The following CDH13 variants were observed in gnomAD, a reference collection of about 807,000 sequenced individuals.
The protein encoded by CDH13 is cadherin 13, also known as cadherin-13.
Under a neutral mutation model 63.8 loss-of-function variants are expected in CDH13, and 24 were observed. The ratio of observed to expected loss-of-function variants is 0.38; its 90% CI spans 0.27 to 0.53. The LOEUF (loss-of-function observed/expected upper bound fraction) is 0.53. Ranked by LOEUF, CDH13 falls within the 20% of genes least tolerant of loss-of-function variation. The pLI, the probability that CDH13 is intolerant of heterozygous loss-of-function variation, is 0.85. For synonymous variants in CDH13, 503 were observed against 355.3 expected (o/e 1.42, Z -4.67); for missense variants, 1,049 against 903.1 (o/e 1.16, Z -2.07).
rs11320143 is a variant in CDH13, at chr16:83,788,465, A to ATTTTT, written c.2134+5000_2134+5004dup. 5.9e-3 allele frequency among the ~76,000 whole-genome samples: 883 copies of ATTTTT among 150,048 alleles called. 10 individuals carry two copies. Among genetic ancestry groups the ATTTTT allele is most frequent in the African/African-American group, 0.021 (845 of 40,598 alleles). On this transcript the variant is annotated intron_variant, in intron 13 of 13. Transcript: ENST00000567109. ...TATATTAAGTATTAGTAAACATTGA[A>ATTTTT]TTTTTTTTTTTAGATTAAAAAAAAA... is the stretch of plus-strand genomic sequence containing the variant.
intron 3 of CDH13, among the ~76,000 whole-genome samples, chr16:83,124,481 T>G (rs536640402): frequency 6.6e-6 from 1 of 152,344 alleles, no homozygotes; most frequent in East Asian, 1.9e-4. Flanking sequence ...GATTGCTTAT[T>G]TTGCTGTGCA....
Position 82,716,626 on chromosome 16 carries a change from C to A in CDH13, c.45+89489C>A, listed in dbSNP as rs568039769. ...TTAATTATGTAAATAAGCAGACACC[C>A]AGCTGGCATGGAATTTCAACCATTT... On this transcript the variant is annotated intron_variant, in intron 1 of 13. Transcript: ENST00000567109. Among the ~76,000 whole-genome samples the A allele has an allele frequency of 4.7e-5, 7 of 149,026 alleles. 1 individual carries two copies. In the South Asian group the frequency reaches 1.5e-3, roughly 33 times the overall value.
At chr16:83,188,934 C>A (rs906038221) in intron 4 of CDH13, among the ~76,000 whole-genome samples, 2 of 152,008 alleles carry the variant, frequency 1.3e-5, no homozygotes, top group Admixed American at 6.6e-5. Context: ...GGAGTGAGAC[C>A]CTTCAGGAAG....
At chr16:82,928,373 A>G (rs996339189) in intron 2 of CDH13, among the ~76,000 whole-genome samples, 8 of 152,218 alleles carry the variant, frequency 5.3e-5, no homozygotes, top group African/African-American at 1.9e-4. Context: ...GTGGCATTGA[A>G]TTATAGAAAT....
intron 7 of CDH13, among the ~76,000 whole-genome samples, chr16:83,525,975 G>A (rs2074950458): frequency 6.6e-6 from 1 of 152,206 alleles, no homozygotes; most frequent in Non-Finnish European, 1.5e-5. Context: ...CTGGAAAGGA[G>A]TGCAGCCCTT....
chr16:83,737,119 C>A (rs750888182), intron 10 of CDH13, among the ~76,000 whole-genome samples: 12 of 152,182 alleles, frequency 7.9e-5, no homozygotes, highest in Non-Finnish European at 1.8e-4. Flanking sequence ...TCATGCTGAC[C>A]ATGCCCACAA....
chr16:83,286,695 G>T (rs1044383034), intron 5 of CDH13, among the ~76,000 whole-genome samples: 1 of 150,880 alleles, frequency 6.6e-6, no homozygotes, highest in African/African-American at 2.4e-5. Context: ...GGTGGAGGTT[G>T]CAGTGAACCA....
Position 83,443,872 on chromosome 16 carries a change from C to T in CDH13, c.782-42605C>T, listed in dbSNP as rs2072576748. ...ATCATTTGAGCCCAGGAGGTTGAGA[C>T]TGCAGTGAGCCAAGACTGCACCACT... On this transcript the variant is annotated intron_variant, in intron 6 of 13. Coordinates refer to ENST00000567109, the MANE Select transcript of CDH13 (RefSeq NM_001257.5). 1.4e-5 allele frequency among the ~76,000 whole-genome samples: 2 copies of T among 146,698 alleles called. 1 individual carries two copies. The highest frequency in any genetic ancestry group is 4.3e-4 in the South Asian group (2 of 4,630).
chr16:83,299,732 T>C (rs75203788), intron 5 of CDH13, among the ~76,000 whole-genome samples: 356 of 152,366 alleles, frequency 2.3e-3, no homozygotes, highest in Non-Finnish European at 3.9e-3. Flanking sequence ...TTGTTATTAC[T>C]GCAATCTCAA....
At chr16:82,841,375 A>T (rs1007937403) in intron 1 of CDH13, among the ~76,000 whole-genome samples, 2 of 152,200 alleles carry the variant, frequency 1.3e-5, no homozygotes, top group Admixed American at 1.3e-4. Context: ...GTGTGGCTGA[A>T]AAGTCTGTGT....
At chr16:83,029,916 C>T (rs1367496017) in intron 2 of CDH13, among the ~76,000 whole-genome samples, 2 of 152,158 alleles carry the variant, frequency 1.3e-5, no homozygotes, top group African/African-American at 2.4e-5. Flanking sequence ...CCAAAAAGCA[C>T]GTAGTACAAT....
chr16:83,690,654 G>A (rs1038443580), intron 10 of CDH13, among the ~76,000 whole-genome samples: 5 of 152,156 alleles, frequency 3.3e-5, no homozygotes, highest in African/African-American at 1.2e-4. Flanking sequence ...CCAGGTAAGA[G>A]GCCATATGGG....
chr16:83,267,129 T>C (rs1451429203), intron 5 of CDH13, among the ~76,000 whole-genome samples: 3 of 152,212 alleles, frequency 2.0e-5, no homozygotes, highest in African/African-American at 7.2e-5. Context: ...GCATGCCTCA[T>C]TCTTTGCTAA....
intron 1 of CDH13, among the ~76,000 whole-genome samples, chr16:82,732,346 G>A (rs370426342): frequency 6.6e-6 from 1 of 152,290 alleles, no homozygotes; most frequent in South Asian, 2.1e-4. Flanking sequence ...AATTCAGCAA[G>A]TTAGTTAAGT....
chr16:83,580,093 G>A (rs143425134), intron 7 of CDH13, among the ~76,000 whole-genome samples: 13 of 152,282 alleles, frequency 8.5e-5, no homozygotes, highest in Non-Finnish European at 1.6e-4. Flanking sequence ...AATGCAGGCA[G>A]AGGGGGACAG....
intron 4 of CDH13, among the ~76,000 whole-genome samples, chr16:83,135,437 C>T (rs2036238843): frequency 6.6e-6 from 1 of 152,178 alleles, no homozygotes; most frequent in Admixed American, 6.5e-5. Context: ...ATTATGTCCC[C>T]ATTGTACAGT....
At chr16:83,521,866 A>G (rs368095707) in intron 7 of CDH13, among the ~76,000 whole-genome samples, 1 of 152,176 alleles carries the variant, frequency 6.6e-6, no homozygotes, top group African/African-American at 2.4e-5. Flanking sequence ...CAATAACTTC[A>G]CCTATAATAC....
At chr16:83,529,824 T>C (rs1484476902) in intron 7 of CDH13, among the ~76,000 whole-genome samples, 1 of 152,334 alleles carries the variant, frequency 6.6e-6, no homozygotes, top group East Asian at 1.9e-4. Context: ...GAACATTTGG[T>C]CAGGTGATTA....
chr16:83,505,309 C>G lies in CDH13; in HGVS notation c.960+18654C>G, dbSNP rs74570313. ...CGAAGGATAATTCAATCTATCCTCA[C>G]CTTAGTGTACGCTGGACAACACTAG... On this transcript the variant is annotated intron_variant, in intron 7 of 13. Coordinates refer to ENST00000567109, the MANE Select transcript of CDH13 (RefSeq NM_001257.5). 2.7e-3 allele frequency among the ~76,000 whole-genome samples: 410 copies of G among 152,248 alleles called. 10 individuals are homozygous for G. The East Asian group carries it at 0.037, about 14-fold the overall frequency.
Sources: gnomAD v4.1 joint callset for allele counts (sites outside exome capture counted in the v4.1 genomes callset) on GRCh38, gnomAD v4.1.1 for gene constraint, MANE v1.5 for transcripts, NCBI Gene and HGNC (gene_info 2026-07-23, HGNC 2026-07-21) for gene names.